LARGE1: variants seen among roughly 807,000 people sequenced by gnomAD.
LARGE1 encodes LARGE xylosyl- and glucuronyltransferase 1.
A neutral mutation model predicts 87.6 loss-of-function variants in LARGE1; 43 were observed. The ratio of observed to expected loss-of-function variants is 0.49; its 90% CI spans 0.38 to 0.63. The LOEUF (loss-of-function observed/expected upper bound fraction) is 0.63, where lower values mean the gene tolerates loss of function less well. LARGE1 is among the 30% of genes least tolerant of loss of function. LARGE1 has a pLI of 0.00. For synonymous variants in LARGE1, 434 were observed against 394.6 expected (o/e 1.10, Z -1.18); for missense variants, 802 against 1,000.2 (o/e 0.80, Z 2.67).
chr22:33,509,031 G>T (rs939081318), intron 6 of LARGE1, among the ~76,000 whole-genome samples: 5 of 152,168 alleles, frequency 3.3e-5, no homozygotes, highest in Non-Finnish European at 7.3e-5. Flanking sequence ...ATATTTGCTT[G>T]GGGAGTGAGG....
intron 6 of LARGE1, among the ~76,000 whole-genome samples, chr22:33,439,572 C>T (rs956893230): frequency 6.6e-6 from 1 of 152,082 alleles, no homozygotes; most frequent in African/African-American, 2.4e-5. Context: ...CTTCTTGGCC[C>T]CCTTTTGTTA....
chr22:33,203,801 A>G (rs1602088537), intron 11 of LARGE1, among the ~76,000 whole-genome samples: 1 of 152,214 alleles, frequency 6.6e-6, no homozygotes, highest in Non-Finnish European at 1.5e-5. Flanking sequence ...ATCTGGCTGA[A>G]GCATCACCTT....
intron 9 of LARGE1, among the ~76,000 whole-genome samples, chr22:33,343,018 C>T (rs947548366): frequency 7.3e-5 from 11 of 151,542 alleles, no homozygotes; most frequent in Admixed American, 2.6e-4. Context: ...TTGCGGTTTT[C>T]GCCATTAAAA....
intron 1 of LARGE1, among the ~76,000 whole-genome samples, chr22:33,797,658 T>C (rs2086028947): frequency 6.6e-6 from 1 of 152,186 alleles, no homozygotes; most frequent in African/African-American, 2.4e-5. Context: ...GAGTTCTCAG[T>C]TATGGCAAAC....
At chr22:33,674,049 T>C (rs1001881329) in intron 2 of LARGE1, among the ~76,000 whole-genome samples, 4 of 152,140 alleles carry the variant, frequency 2.6e-5, no homozygotes, top group Non-Finnish European at 4.4e-5. Flanking sequence ...CCTCATGTGA[T>C]CCACCTGCCT....
chr22:33,678,446 A>G (rs1451428190), intron 2 of LARGE1, among the ~76,000 whole-genome samples: 1 of 152,188 alleles, frequency 6.6e-6, no homozygotes, highest in African/African-American at 2.4e-5. Flanking sequence ...CATACACAGA[A>G]CATTTGGGGG....
intron 2 of LARGE1, among the ~76,000 whole-genome samples, chr22:33,662,151 A>T (rs2081145429): frequency 6.6e-6 from 1 of 151,628 alleles, no homozygotes; most frequent in African/African-American, 2.4e-5. Context: ...GTTGGGCCAC[A>T]TTCAAAGCTG....
At chr22:33,384,908 G>C (rs1292481884) in intron 7 of LARGE1, among the ~76,000 whole-genome samples, 1 of 148,764 alleles carries the variant, frequency 6.7e-6, no homozygotes, top group Non-Finnish European at 1.5e-5. Flanking sequence ...GGTGGAATTT[G>C]TACGATGTAT....
intron 1 of LARGE1, among the ~76,000 whole-genome samples, chr22:33,849,414 A>G (rs2063521068): frequency 6.6e-6 from 1 of 152,112 alleles, no homozygotes; most frequent in Non-Finnish European, 1.5e-5. Flanking sequence ...CGAATGCTAT[A>G]GGGTGAGGGC....
At chr22:33,085,716 A>G in the LARGE1 span, among the ~76,000 whole-genome samples, 131 of 152,322 alleles carry the variant, frequency 8.6e-4, no homozygotes, top group African/African-American at 3.1e-3. Context: ...GATTTGTATA[A>G]TGAAAATTAT....
rs749257573 is a variant in LARGE1 at position 33,565,035 on chromosome 22, C to CAG, written c.616-18_616-17dup. 3.7e-6 allele frequency: 6 copies of CAG among 1,612,782 alleles called. No homozygotes were observed. The Admixed American group carries it at 8.3e-5, about 22-fold the overall frequency. On this transcript the variant is annotated splice_polypyrimidine_tract_variant and intron_variant, in intron 5 of 14. Transcript: ENST00000397394. Reference sequence around the variant, plus strand: ...AAACTTCAGACTAGACAGAACAAGGCAGAGAGAGAGTTGGAGAAAGGGAAA... The same window carrying CAG: ...AAACTTCAGACTAGACAGAACAAGGCAGAGAGAGAGAGTTGGAGAAAGGGAAA...
At chr22:33,204,515 T>C (rs1031273624) in intron 11 of LARGE1, among the ~76,000 whole-genome samples, 1 of 152,198 alleles carries the variant, frequency 6.6e-6, no homozygotes, top group African/African-American at 2.4e-5. Flanking sequence ...CCACTCTCCC[T>C]GATTCTAGCA....
rs775629905 is a variant in LARGE1 at position 33,337,842 on chromosome 22, G to C, written c.1132-41C>G. The C allele has an allele frequency of 5.6e-5, 90 of 1,610,130 alleles. 1 individual carries two copies. In the Middle Eastern group the frequency reaches 3.0e-3, roughly 53 times the overall value. On this transcript the variant is annotated intron_variant, in intron 9 of 14. Transcript: ENST00000397394. ...GGAAGTGGTCAGGTATGGCAGGGGT[G>C]GGGTGGGGATCCCTCACACCTGTAG...
chr22:33,397,927 A>C (rs1346670025), intron 7 of LARGE1, among the ~76,000 whole-genome samples: 1 of 152,048 alleles, frequency 6.6e-6, no homozygotes, highest in Non-Finnish European at 1.5e-5. Context: ...TTATATGTTA[A>C]TTGCCCATTT....
At chr22:33,232,158 T>C (rs1926039239) in intron 11 of LARGE1, among the ~76,000 whole-genome samples, 1 of 152,178 alleles carries the variant, frequency 6.6e-6, no homozygotes, top group Non-Finnish European at 1.5e-5. Context: ...TTGAACACAA[T>C]AGAGCCGATT....
intron 3 of LARGE1, among the ~76,000 whole-genome samples, chr22:33,647,852 G>A (rs1830144922): frequency 6.6e-6 from 1 of 152,062 alleles, no homozygotes; most frequent in Admixed American, 6.6e-5. Flanking sequence ...CCACTTCCTG[G>A]GTTTAAACGA....
At chr22:33,437,622 C>G (rs1038332640) in intron 6 of LARGE1, among the ~76,000 whole-genome samples, 1 of 152,210 alleles carries the variant, frequency 6.6e-6, no homozygotes, top group Non-Finnish European at 1.5e-5. Context: ...GTCCTACACT[C>G]TGCTCCATCT....
chr22:33,513,855 T>C (rs2071171692), intron 6 of LARGE1, among the ~76,000 whole-genome samples: 1 of 97,756 alleles, frequency 1.0e-5, no homozygotes, highest in Non-Finnish European at 2.4e-5. Context: ...ACGAGTCATG[T>C]GCCACATAAT....
At position 33,183,673 on chromosome 22, in the gene LARGE1, G is replaced by C. The variant is rs79966376; in HGVS notation, c.1731-16841C>G. On this transcript the variant is annotated intron_variant, in intron 11 of 11. Coordinates refer to the LARGE1 transcript ENST00000608642. Reference sequence around the variant, plus strand: ...ACACACAGTATTTAGCCATAAAAAAGAAGGAAATTTGTGATGGCATCGATT... The same window carrying C: ...ACACACAGTATTTAGCCATAAAAAACAAGGAAATTTGTGATGGCATCGATT... Among the ~76,000 whole-genome samples, 1,218 of 147,758 alleles carry C rather than the reference G, an allele frequency of 8.2e-3. 7 individuals carry two copies. The highest frequency in any genetic ancestry group is 0.021 in the Middle Eastern group (6 of 290).
Sources: gnomAD v4.1 joint callset for allele counts (sites outside exome capture counted in the v4.1 genomes callset) on GRCh38, gnomAD v4.1.1 for gene constraint, MANE v1.5 for transcripts, NCBI Gene and HGNC (gene_info 2026-07-23, HGNC 2026-07-21) for gene names.